Variants in TCF12 observed in about 807,000 individuals in gnomAD.
The protein encoded by TCF12 is DNA-binding protein HTF4.
A neutral mutation model predicts 86.0 loss-of-function variants in TCF12; 45 were observed. That is an observed-to-expected ratio of 0.52 (90% CI 0.41 to 0.67). TCF12 has a LOEUF of 0.67. Among genes scored for constraint, TCF12 ranks in the 30% least tolerant of loss-of-function variants. TCF12 has a pLI of 0.00. For missense variants in TCF12, 881 were observed against 859.9 expected (o/e 1.02, Z -0.31); for synonymous variants, 330 against 299.6 (o/e 1.10, Z -1.05).
intron 6 of TCF12, among the ~76,000 whole-genome samples, chr15:57,179,129 G>A (rs1378118912): frequency 2.0e-5 from 3 of 152,112 alleles, no homozygotes; most frequent in African/African-American, 7.2e-5. Context: ...GAAACTACTA[G>A]ATTGTCACGT....
At chr15:57,249,412 A>C (rs1163803414) in intron 13 of TCF12, among the ~76,000 whole-genome samples, 1 of 73,936 alleles carries the variant, frequency 1.4e-5, no homozygotes, top group African/African-American at 3.8e-5. Context: ...TTTGCTCATA[A>C]GTAAAAAAAA....
At chr15:57,249,186 A>G (rs2059996156) in intron 13 of TCF12, among the ~76,000 whole-genome samples, 1 of 152,198 alleles carries the variant, frequency 6.6e-6, no homozygotes, top group Non-Finnish European at 1.5e-5. Context: ...TGAAATCAGC[A>G]GTAAGGTGTT....
intron 3 of TCF12, among the ~76,000 whole-genome samples, chr15:56,925,019 T>G (rs2059941435): frequency 1.3e-5 from 2 of 152,096 alleles, no homozygotes; most frequent in South Asian, 4.1e-4. Flanking sequence ...GCCAACATGG[T>G]GAAACCCTAT....
At chr15:57,249,414 TAAA>T (rs5812876) in intron 13 of TCF12, among the ~76,000 whole-genome samples, 1 of 149,532 alleles carries the variant, frequency 6.7e-6, no homozygotes, top group Admixed American at 6.6e-5. Context: ...TGCTCATAAG[TAAA>T]AAAAAAAAAA....
At chr15:56,919,494 C>T (rs1205917040) in intron 1 of TCF12, 2 of 160,864 alleles carry the variant, frequency 1.2e-5, no homozygotes, top group African/African-American at 4.8e-5. Context: ...CCGCTCGCCG[C>T]CGCTCCGCTC....
At chr15:57,007,981 C>G (rs1033114945) in intron 3 of TCF12, among the ~76,000 whole-genome samples, 2 of 147,530 alleles carry the variant, frequency 1.4e-5, no homozygotes, top group Admixed American at 6.8e-5. Context: ...CTCTCTCGCT[C>G]TCTCTCTCTC....
Position 56,918,663 on chromosome 15 carries a change from G to A in TCF12, c.-266G>A, listed in dbSNP as rs1372501970. ...GGAGGCGAGCCGAGCGCGGTGGTGA[G>A]GCCGCCTCAGCGAAAAAAATGTCCG... On this transcript the variant is annotated 5_prime_UTR_variant, in exon 1 of 21. Coordinates refer to ENST00000333725, the MANE Select transcript of TCF12 (RefSeq NM_207037.2). 5 of 188,776 alleles carry A rather than the reference G, an allele frequency of 2.6e-5. No individual in the cohort carries two copies. Among genetic ancestry groups the A allele is most frequent in the African/African-American group, 1.2e-4 (5 of 41,570 alleles). 11.7% of individuals were successfully genotyped at this position (188,776 alleles called of 1,614,324 possible).
At chr15:57,144,876 A>G (rs1028158322) in intron 5 of TCF12, among the ~76,000 whole-genome samples, 1 of 152,214 alleles carries the variant, frequency 6.6e-6, no homozygotes, top group East Asian at 1.9e-4. Flanking sequence ...TGCTGGGATT[A>G]CAAGCATGAG....
intron 3 of TCF12, among the ~76,000 whole-genome samples, chr15:57,061,941 A>G (rs1429659684): frequency 2.0e-5 from 3 of 151,852 alleles, no homozygotes; most frequent in Admixed American, 2.0e-4. Flanking sequence ...ATGATACTGG[A>G]GAGATGGTAA....
intron 5 of TCF12, among the ~76,000 whole-genome samples, chr15:57,139,777 A>G (rs1219877701): frequency 1.3e-5 from 2 of 152,212 alleles, no homozygotes; most frequent in African/African-American, 4.8e-5. Flanking sequence ...GAAAAAAGTA[A>G]TAGTACCAAA....
At chr15:57,197,917 G>C in intron 8 of TCF12, 92 bp downstream of exon 8, 1 of 1,250,820 alleles carries the variant, frequency 8.0e-7, no homozygotes, top group South Asian at 1.3e-5. Context: ...CGATTGATGC[G>C]AGTGGGCATA....
chr15:57,273,013 G>A lies in TCF12; in HGVS notation c.1746-17G>A, dbSNP rs776451977. 4 of 1,610,086 alleles carry A rather than the reference G, an allele frequency of 2.5e-6. No homozygotes were observed. The African/African-American group carries it at 4.0e-5, about 16-fold the overall frequency. ...TATAGGAAACCTAATAGACCTTGTT[G>A]TTACTTTATTTTCTAGCAGTACTAA... On this transcript the variant is annotated splice_polypyrimidine_tract_variant and intron_variant, in intron 18 of 20. Coordinates refer to ENST00000333725, the MANE Select transcript of TCF12 (RefSeq NM_207037.2).
intron 7 of TCF12, among the ~76,000 whole-genome samples, chr15:57,194,260 TG>T (rs35131658): frequency 0.38 from 58,022 of 152,032 alleles, 13,796 homozygotes; most frequent in Non-Finnish European, 0.53. Context: ...GTCTCTTCCA[TG>T]CCAGGGGCAT....
chr15:57,004,237 CT>C (rs200302099), intron 3 of TCF12, among the ~76,000 whole-genome samples: 35,407 of 143,978 alleles, frequency 0.25, 4,775 homozygotes, highest in East Asian at 0.4. Context: ...TTCTTTCTTT[CT>C]TTTTTTTTTT....
chr15:57,087,071 C>CTCCCTCTG (rs2048690596), intron 4 of TCF12, among the ~76,000 whole-genome samples: 2 of 136,614 alleles, frequency 1.5e-5, no homozygotes, highest in Admixed American at 1.9e-4. Context: ...GTCTCCCTCT[C>CTCCCTCTG]TCTCCCTCTG....
intron 12 of TCF12, among the ~76,000 whole-genome samples, chr15:57,240,947 TTGA>T (rs1193995169): frequency 6.6e-6 from 1 of 151,458 alleles, no homozygotes; most frequent in Non-Finnish European, 1.5e-5. Flanking sequence ...CTGTTGAAGT[TTGA>T]TGACCTTCCC....
chr15:57,004,566 G>T (rs781580780), intron 3 of TCF12, among the ~76,000 whole-genome samples: 1 of 151,994 alleles, frequency 6.6e-6, no homozygotes, highest in East Asian at 1.9e-4. Flanking sequence ...GTTCCACCAC[G>T]CCCGGCTAAT....
intron 3 of TCF12, among the ~76,000 whole-genome samples, chr15:56,973,103 CGAAG>C (rs2062419935): frequency 6.6e-6 from 1 of 151,884 alleles, no homozygotes; most frequent in Non-Finnish European, 1.5e-5. Flanking sequence ...GGAGAAGACT[CGAAG>C]GAAGAGATCC....
intron 17 of TCF12, among the ~76,000 whole-genome samples, chr15:57,262,656 C>G (rs1250963859): frequency 6.6e-6 from 1 of 152,148 alleles, no homozygotes; most frequent in East Asian, 1.9e-4. Flanking sequence ...TCCAATAGAG[C>G]TTACAAGTAA....
Sources: allele counts gnomAD v4.1 joint callset (sites outside exome capture counted in the v4.1 genomes callset), GRCh38; gene constraint gnomAD v4.1.1; transcripts MANE v1.5; gene names NCBI Gene and HGNC (gene_info 2026-07-23, HGNC 2026-07-21).